The following MSANTD7 variants were observed in gnomAD, a reference collection of about 807,000 sequenced individuals.
MSANTD7 encodes the protein Myb/SANT DNA binding domain containing 7.
chr10:14,838,860 C>T, the MSANTD7 span, among the ~76,000 whole-genome samples: 1 of 152,078 alleles, frequency 6.6e-6, no homozygotes. Flanking sequence ...ACGTCCTGGC[C>T]TCTGGATGCC....
the MSANTD7 span, chr10:14,838,388 C>A: frequency 2.5e-6 from 4 of 1,598,516 alleles, no homozygotes; most frequent in African/African-American, 1.3e-5. Context: ...CTGCCGCTGC[C>A]GTCCCTGCTG....
At chr10:14,839,504 G>T in the MSANTD7 span, among the ~76,000 whole-genome samples, 1 of 151,742 alleles carries the variant, frequency 6.6e-6, no homozygotes, top group Non-Finnish European at 1.5e-5. Flanking sequence ...GGCGGAAGTT[G>T]CAGTGAGCCG....
chr10:14,845,188 A>G, the MSANTD7 span: 13 of 985,360 alleles, frequency 1.3e-5, no homozygotes, highest in South Asian at 2.3e-4. Flanking sequence ...CTAGAAGGGA[A>G]GACATTACTC....
At chr10:14,845,595 A>T in the MSANTD7 span, 1 of 909,214 alleles carries the variant, frequency 1.1e-6, no homozygotes, top group Non-Finnish European at 1.3e-6. Context: ...TTCTATTATT[A>T]TTATTTTTTT....
chr10:14,840,748 A>ATTTGAGGGTTTTCAAAT, the MSANTD7 span, among the ~76,000 whole-genome samples: 2 of 152,208 alleles, frequency 1.3e-5, no homozygotes, highest in African/African-American at 4.8e-5. Flanking sequence ...AGATTGCTAT[A>ATTTGAGGGTTTTCAAAT]ATAATTAGGG....
the MSANTD7 span, among the ~76,000 whole-genome samples, chr10:14,838,892 A>G: frequency 1.3e-5 from 2 of 152,064 alleles, no homozygotes; most frequent in Non-Finnish European, 2.9e-5. Flanking sequence ...CGCTGACGTC[A>G]GGGCCTCAGG....
the MSANTD7 span, chr10:14,843,937 C>A: frequency 1.3e-6 from 2 of 1,530,356 alleles, no homozygotes; most frequent in South Asian, 2.4e-5. Context: ...TGGTAGAAGT[C>A]TAGTTCCCAA....
At chr10:14,844,895 G>A in the MSANTD7 span, 1 of 985,198 alleles carries the variant, frequency 1.0e-6, no homozygotes, top group African/African-American at 1.7e-5. Context: ...TGTCTAGTAT[G>A]TTATACAGGG....
chr10:14,844,149 T>C, the MSANTD7 span: 23 of 1,307,856 alleles, frequency 1.8e-5, no homozygotes, highest in Admixed American at 8.3e-4. Flanking sequence ...TCATCCTAGC[T>C]TTGTCACAGA....
chr10:14,846,868 C>T, the MSANTD7 span: 3 of 985,414 alleles, frequency 3.0e-6, no homozygotes, highest in Non-Finnish European at 1.2e-6. Flanking sequence ...GGTTGTGATA[C>T]ACAACCATAG....
At chr10:14,838,408 G>T in the MSANTD7 span, 1 of 1,604,630 alleles carries the variant, frequency 6.2e-7, no homozygotes. Flanking sequence ...GCCTCATGGC[G>T]GCCATCGGAG....
At chr10:14,845,399 G>A in the MSANTD7 span, 1 of 985,330 alleles carries the variant, frequency 1.0e-6, no homozygotes, top group Non-Finnish European at 1.2e-6. Context: ...GACATAGGTG[G>A]AGAAATGGTC....
chr10:14,846,498 G>A, the MSANTD7 span: 1 of 985,292 alleles, frequency 1.0e-6, no homozygotes, highest in Non-Finnish European at 1.2e-6. Flanking sequence ...TTAAGGGGAG[G>A]GAAATTGGAA....
chr10:14,843,278 A>C, the MSANTD7 span: 2 of 1,466,004 alleles, frequency 1.4e-6, no homozygotes, highest in Non-Finnish European at 1.9e-6. Context: ...AGGAACAACC[A>C]TAGTTTTATA....
the MSANTD7 span, among the ~76,000 whole-genome samples, chr10:14,838,792 TGTCCCGGGGG>T: frequency 4.0e-5 from 6 of 151,894 alleles, no homozygotes; most frequent in Non-Finnish European, 7.4e-5. Flanking sequence ...GGCCGCTGGG[TGTCCCGGGGG>T]GTCCCGGGGA....
chr10:14,840,088 C>T, the MSANTD7 span: 1 of 1,420,064 alleles, frequency 7.0e-7, no homozygotes, highest in Non-Finnish European at 9.4e-7. Flanking sequence ...GTTGGATTGG[C>T]AGCAAAACAA....
the MSANTD7 span, chr10:14,845,363 G>C: frequency 2.0e-6 from 2 of 985,272 alleles, no homozygotes; most frequent in Non-Finnish European, 2.4e-6. Flanking sequence ...TTGCAGGCTC[G>C]AGTGCTTAGC....
the MSANTD7 span, chr10:14,844,153 T>A: frequency 7.7e-7 from 1 of 1,302,294 alleles, no homozygotes; most frequent in Non-Finnish European, 9.8e-7. Context: ...CCTAGCTTTG[T>A]CACAGATGTG....
At chr10:14,844,425 A>G in the MSANTD7 span, 1 of 994,656 alleles carries the variant, frequency 1.0e-6, no homozygotes, top group African/African-American at 1.7e-5. Context: ...TTGCTGGTCT[A>G]ACTTGACTGC....
Sources: allele counts gnomAD v4.1 joint callset (sites outside exome capture counted in the v4.1 genomes callset), GRCh38; gene constraint gnomAD v4.1.1; transcripts MANE v1.5; gene names NCBI Gene and HGNC (gene_info 2026-07-23, HGNC 2026-07-21).